Variants in OTUB2 observed in about 807,000 individuals in gnomAD.
OTUB2 encodes ubiquitin thioesterase OTUB2.
OTUB2 carries 21 observed loss-of-function variants against 25.1 expected under a neutral mutation model. The ratio of observed to expected loss-of-function variants is 0.84; its 90% CI spans 0.59 to 1.21. The LOEUF (loss-of-function observed/expected upper bound fraction) is 1.21, where lower values mean the gene tolerates loss of function less well. Ranked by LOEUF, OTUB2 falls within the 50% of genes most tolerant of loss-of-function variation. The probability of loss-of-function intolerance (pLI) is 0.00; values close to 1 mark genes in which losing one functional copy is unlikely to be tolerated. For missense variants in OTUB2, 283 were observed against 298.0 expected (o/e 0.95, Z 0.37); for synonymous variants, 122 against 122.8 (o/e 0.99, Z 0.04).
chr14:94,041,829 G>T (rs1293266045), intron 3 of OTUB2, among the ~76,000 whole-genome samples: 1 of 152,218 alleles, frequency 6.6e-6, no homozygotes, highest in Non-Finnish European at 1.5e-5. Context: ...CCCCAGGCAG[G>T]CTGCTTCACT....
rs1371957070 is a variant in OTUB2, at chr14:94,031,960, A to G, written c.3+5420A>G. On this transcript the variant is annotated intron_variant, in intron 1 of 5. Transcript: ENST00000203664. ...TTCAGCCATGGTTTTAAAAGCAATC[A>G]CGAATGAGAGTCAGCCAGGTCAAGC... 2.0e-5 allele frequency among the ~76,000 whole-genome samples: 3 copies of G among 152,188 alleles called. No individual in the cohort carries two copies. In the East Asian group the frequency reaches 5.8e-4, roughly 29 times the overall value.
chr14:94,044,296 C>T (rs1181452243), intron 4 of OTUB2, among the ~76,000 whole-genome samples: 2 of 152,218 alleles, frequency 1.3e-5, no homozygotes, highest in Admixed American at 6.5e-5. Context: ...CTCTCAGACG[C>T]TTGCCACTCT....
rs146995725 is a variant in OTUB2, at chr14:94,034,653, G to A, written c.4-2727G>A. Reference sequence around the variant, plus strand: ...AGCACATAGTATTTGCACAATAATGGCACCTGTTATCACTTCAGACCTCTT... The same window carrying A: ...AGCACATAGTATTTGCACAATAATGACACCTGTTATCACTTCAGACCTCTT... On this transcript the variant is annotated intron_variant, in intron 1 of 5. Transcript: ENST00000203664. Among the ~76,000 whole-genome samples, 153 of 152,280 alleles carry A rather than the reference G, an allele frequency of 1.0e-3. 1 individual carries two copies. The highest frequency in any genetic ancestry group is 3.5e-3 in the African/African-American group (144 of 41,548).
chr14:94,034,446 G>A (rs1440788981), intron 1 of OTUB2, among the ~76,000 whole-genome samples: 1 of 152,208 alleles, frequency 6.6e-6, no homozygotes, highest in Non-Finnish European at 1.5e-5. Context: ...TGCTCTGCCT[G>A]CCTAGCAGTT....
intron 4 of OTUB2, 44 bp downstream of exon 4, chr14:94,044,099 G>C (rs1221881434): frequency 6.4e-7 from 1 of 1,565,890 alleles, no homozygotes; most frequent in Non-Finnish European, 8.8e-7. Context: ...AGAGCAGACA[G>C]GAGTGGGCAC....
chr14:94,030,867 C>T (rs550616840), intron 1 of OTUB2, among the ~76,000 whole-genome samples: 6 of 152,168 alleles, frequency 3.9e-5, no homozygotes, highest in East Asian at 1.9e-4. Context: ...CCTCTAGAAA[C>T]GGAAGACAAG....
At chr14:94,045,430 G>A (rs1275649416) in intron 5 of OTUB2, among the ~76,000 whole-genome samples, 2 of 152,172 alleles carry the variant, frequency 1.3e-5, no homozygotes, top group African/African-American at 4.8e-5. Context: ...CCCGTTTCCA[G>A]ATCCCTCTAA....
chr14:94,029,045 G>A (rs945569403), intron 1 of OTUB2, among the ~76,000 whole-genome samples: 58 of 152,188 alleles, frequency 3.8e-4, no homozygotes, highest in African/African-American at 1.4e-3. Context: ...GGGAAATTGA[G>A]TCTAGAAAAT....
intron 3 of OTUB2, among the ~76,000 whole-genome samples, chr14:94,043,745 C>G (rs530420310): frequency 6.6e-6 from 1 of 152,334 alleles, no homozygotes; most frequent in South Asian, 2.1e-4. Context: ...CGTCTTTCCA[C>G]CATGCACACA....
intron 3 of OTUB2, chr14:94,039,519 T>A (rs1421564588): frequency 5.7e-6 from 1 of 175,078 alleles, no homozygotes; most frequent in African/African-American, 2.4e-5. Flanking sequence ...CTGGAGAAGG[T>A]CTGTGTCCAG....
chr14:94,043,361 C>T (rs985832237), intron 3 of OTUB2, among the ~76,000 whole-genome samples: 2 of 152,192 alleles, frequency 1.3e-5, no homozygotes, highest in African/African-American at 2.4e-5. Context: ...CTCCATACCT[C>T]GTTGCTGCCA....
At chr14:94,045,416 G>GC (rs1476899614) in intron 5 of OTUB2, among the ~76,000 whole-genome samples, 1 of 152,146 alleles carries the variant, frequency 6.6e-6, no homozygotes, top group African/African-American at 2.4e-5. Context: ...AAAAATGTCT[G>GC]CCCCCCGTTT....
At chr14:94,043,622 C>T (rs565111845) in intron 3 of OTUB2, among the ~76,000 whole-genome samples, 1 of 152,292 alleles carries the variant, frequency 6.6e-6, no homozygotes, top group South Asian at 2.1e-4. Flanking sequence ...TGTTGTCAGC[C>T]GATTGCTGTG....
At chr14:94,043,127 T>C (rs1885195683) in intron 3 of OTUB2, among the ~76,000 whole-genome samples, 1 of 152,214 alleles carries the variant, frequency 6.6e-6, no homozygotes, top group Non-Finnish European at 1.5e-5. Flanking sequence ...CTGCCCCCTG[T>C]CCTCCTACAA....
At chr14:94,038,822 G>A (rs1885105757) in intron 2 of OTUB2, 141 bp from the exon 3 acceptor site, 2 of 792,152 alleles carry the variant, frequency 2.5e-6, no homozygotes, top group Admixed American at 3.4e-5. Context: ...AACGAGGGTG[G>A]GAGGCTGAGG....
chr14:94,027,102 G>A (rs1167823462), intron 1 of OTUB2, among the ~76,000 whole-genome samples: 1 of 152,226 alleles, frequency 6.6e-6, no homozygotes, highest in Non-Finnish European at 1.5e-5. Context: ...TGAGGCGCAT[G>A]AGTTAGGGGT....
chr14:94,044,780 C>T lies in OTUB2; in HGVS notation c.498C>T (p.His166=), dbSNP rs201933625. 8.1e-6 allele frequency: 13 copies of T among 1,609,568 alleles called. No homozygotes were observed. The highest frequency in any genetic ancestry group is 1.7e-4 in the Middle Eastern group (1 of 6,048). ...TGGACATCAAAGACTTCTGCACTCA[C>T]GTAGGTGCTTGGGGTCTCAGCCCCA... The part of the protein sequence containing the change: ...EEMDIKDFCT[H]EVEPMATECD... The change falls in exon 5 of 6, where the codon CAC becomes CAT. Residue 166 remains histidine (H), a splice_region_variant and synonymous_variant. Transcript: ENST00000203664.
intron 2 of OTUB2, among the ~76,000 whole-genome samples, chr14:94,038,126 A>G (rs1197110693): frequency 1.3e-5 from 2 of 152,264 alleles, no homozygotes; most frequent in African/African-American, 4.8e-5. Flanking sequence ...TCAGACACGC[A>G]GCACCGTTGC....
intron 1 of OTUB2, among the ~76,000 whole-genome samples, chr14:94,028,600 T>C (rs954813026): frequency 4.6e-5 from 7 of 152,312 alleles, no homozygotes; most frequent in Admixed American, 2.0e-4. Context: ...CAGGGTCCTA[T>C]TGTGCTTTGT....
Sources: allele counts gnomAD v4.1 joint callset (sites outside exome capture counted in the v4.1 genomes callset), GRCh38; gene constraint gnomAD v4.1.1; transcripts MANE v1.5; gene names NCBI Gene and HGNC (gene_info 2026-07-23, HGNC 2026-07-21).